Variants in CERS5 observed in about 807,000 individuals in gnomAD.
The protein encoded by CERS5 is LAG1 homolog, ceramide synthase 5.
Under a neutral mutation model 58.9 loss-of-function variants are expected in CERS5, and 37 were observed. The observed-to-expected ratio is 0.63, with a 90% CI of 0.48 to 0.83. The LOEUF is 0.83. Among genes scored for constraint, CERS5 ranks in the 40% least tolerant of loss-of-function variants. The pLI is 0.00. For synonymous variants in CERS5, 147 were observed against 177.8 expected (o/e 0.83, Z 1.38); for missense variants, 398 against 489.3 (o/e 0.81, Z 1.76).
intron 4 of CERS5, among the ~76,000 whole-genome samples, chr12:50,141,241 G>A (rs191186641): frequency 1.1e-3 from 169 of 152,018 alleles, no homozygotes; most frequent in Non-Finnish European, 1.9e-3. Context: ...TTGTAGAGAC[G>A]GGGTTTCACC....
At position 50,153,311 on chromosome 12, in the gene CERS5, C is replaced by T. The variant is rs1231535066; in HGVS notation, c.198-9254G>A. On this transcript the variant is annotated intron_variant, in intron 1 of 9. Transcript: ENST00000317551. ...TTTTTTTTTTTCTGAGACGGAGTCT[C>T]ACTCTGTTGCCAGGCTGGAGTCCCG... is the stretch of plus-strand genomic sequence containing the variant. 2.5e-4 allele frequency among the ~76,000 whole-genome samples: 28 copies of T among 113,658 alleles called. No homozygotes were observed. In the Admixed American group the frequency reaches 2.7e-3, roughly 11 times the overall value. 74.6% of individuals were successfully genotyped at this position (113,658 alleles called of 152,430 possible). A position where few individuals can be genotyped will look rare whatever the true frequency, so the allele number is the denominator to read the frequency against.
chr12:50,156,925 C>A (rs1232290931), intron 1 of CERS5, among the ~76,000 whole-genome samples: 3 of 152,158 alleles, frequency 2.0e-5, no homozygotes, highest in African/African-American at 4.8e-5. Flanking sequence ...TGAGTATCAA[C>A]TTAATTGGAT....
At chr12:50,136,943 T>G (rs1951726071) in intron 6 of CERS5, among the ~76,000 whole-genome samples, 1 of 152,228 alleles carries the variant, frequency 6.6e-6, no homozygotes, top group South Asian at 2.1e-4. Flanking sequence ...TTTAATAAAG[T>G]GACCTGTGTC....
intron 1 of CERS5, among the ~76,000 whole-genome samples, chr12:50,155,320 TAAA>T (rs1189936680): frequency 6.6e-6 from 1 of 152,078 alleles, no homozygotes; most frequent in Non-Finnish European, 1.5e-5. Context: ...AGTAAATTCT[TAAA>T]AGAAGAGGAT....
In CERS5 at chr12:50,142,093, T is replaced by C; in HGVS notation, c.452A>G (p.Tyr151Cys). The C allele has an allele frequency of 6.2e-7, 1 of 1,605,436 alleles. No homozygotes were observed. Among genetic ancestry groups the C allele is most frequent in the Non-Finnish European group, 8.5e-7 (1 of 1,173,282 alleles). The change falls in exon 4 of 10, where the codon TAT (tyrosine) becomes TGT (cysteine). Residue 151 changes from tyrosine to cysteine, a missense_variant. Physicochemically the swap from Tyr to Cys is radical, Grantham distance 194 (BLOSUM62 -2). This residue lies in a region of CERS5 where 328 missense variants were observed against 384.5 expected (regional missense o/e 0.85). Transcript: ENST00000317551. ...FCESMWRFTF[Y>C]LCIFCYGIRF... ...AATTCCATAGCAGAATATACATAAA[T>C]AAAATGTGAATCTCCACCTGGGTGG... is the stretch of plus-strand genomic sequence containing the variant.
At position 50,148,646 on chromosome 12, in the gene CERS5, C is replaced by T. The variant is rs115914426; in HGVS notation, c.198-4589G>A. ...GCGTGGTGACTCAGACTTGTAATAC[C>T]GGCACTTTGGGAGGTTGAGGCAGGC... On this transcript the variant is annotated intron_variant, in intron 1 of 9. Coordinates refer to ENST00000317551, the MANE Select transcript of CERS5 (RefSeq NM_147190.5). The T allele has an allele frequency of 7.7e-3, 1,866 of 242,632 alleles. 37 individuals carry two copies. The highest frequency in any genetic ancestry group is 0.036 in the African/African-American group (1,571 of 43,050). 15.0% of individuals were successfully genotyped at this position (242,632 alleles called of 1,614,324 possible). A position where few individuals can be genotyped will look rare whatever the true frequency, so the allele number is the denominator to read the frequency against.
chr12:50,148,968 G>T (rs948328693), intron 1 of CERS5, among the ~76,000 whole-genome samples: 10 of 140,288 alleles, frequency 7.1e-5, no homozygotes, highest in Admixed American at 1.4e-4. Flanking sequence ...GTGTGTGTGT[G>T]TGCGTGTAGA....
chr12:50,132,966 AAG>A, intron 9 of CERS5: 1 of 1,289,054 alleles, frequency 7.8e-7, no homozygotes, highest in South Asian at 1.2e-5. Context: ...ACTTACATGC[AAG>A]AGATGAAACT....
chr12:50,132,987 C>T, intron 9 of CERS5: 1 of 1,289,064 alleles, frequency 7.8e-7, no homozygotes, highest in African/African-American at 1.5e-5. Context: ...CTGTCCAGCT[C>T]CCGCCAGGCA....
chr12:50,143,499 AT>A, intron 2 of CERS5: 1 of 313,126 alleles, frequency 3.2e-6, no homozygotes, highest in East Asian at 6.7e-5. Flanking sequence ...TAATCCTGGG[AT>A]TTTTGAAGGC....
At position 50,140,954 on chromosome 12, in the gene CERS5, G is replaced by A. The variant is rs562455752; in HGVS notation, c.492+1099C>T. ...CTTCCTTTAGTTCTGCCAGCTTTTT[G>A]TCTATAATATTTTGAAAACACAATG... On this transcript the variant is annotated intron_variant, in intron 4 of 9. Coordinates refer to ENST00000317551, the MANE Select transcript of CERS5 (RefSeq NM_147190.5). Among the ~76,000 whole-genome samples, 8 of 148,304 alleles carry A rather than the reference G, an allele frequency of 5.4e-5. No individual in the cohort carries two copies. In the South Asian group the frequency reaches 1.5e-3, roughly 28 times the overall value.
In CERS5 at chr12:50,144,004, T is replaced by G. The variant is rs750493869; in HGVS notation, c.251A>C (p.Tyr84Ser). ...LCIGIEDSGPYQAQPNAILEK... is the reference protein window; with the variant it reads ...LCIGIEDSGPSQAQPNAILEK... ...AAGGATGGCATTGGGTTGGGCCTGA[T>G]AAGGACCACTGTCCTCGATGCCAAT... Residue 84 changes from tyrosine (Y) to serine (S), a missense_variant, in exon 2 of 10, where the codon TAT becomes TCT. This residue lies in a region of CERS5 where 328 missense variants were observed against 384.5 expected (regional missense o/e 0.85). Transcript: ENST00000317551. 4.3e-6 allele frequency: 7 copies of G among 1,613,446 alleles called. No homozygotes were observed. The South Asian group carries it at 7.7e-5, about 18-fold the overall frequency.
intron 1 of CERS5, among the ~76,000 whole-genome samples, chr12:50,160,411 G>A (rs774359491): frequency 4.0e-5 from 6 of 151,864 alleles, no homozygotes; most frequent in Non-Finnish European, 7.4e-5. Context: ...ACAGGCCAGC[G>A]AATGAGTCTG....
rs539834375 is a variant in CERS5 at position 50,164,383 on chromosome 12, T to C, written c.197+2718A>G. ...CAAAGAGGTCGAGGCTGGAGTGAGCTTCGTGCCACTGCAGTCCAGCCTGGG... is the reference window on the plus strand; with the variant it reads ...CAAAGAGGTCGAGGCTGGAGTGAGCCTCGTGCCACTGCAGTCCAGCCTGGG... On this transcript the variant is annotated intron_variant, in intron 1 of 9. Coordinates refer to ENST00000317551, the MANE Select transcript of CERS5 (RefSeq NM_147190.5). 8.5e-5 allele frequency among the ~76,000 whole-genome samples: 13 copies of C among 152,080 alleles called. No homozygotes were observed. In the South Asian group the frequency reaches 2.7e-3, roughly 32 times the overall value.
At chr12:50,151,139 C>A (rs1436472507) in intron 1 of CERS5, among the ~76,000 whole-genome samples, 1 of 152,094 alleles carries the variant, frequency 6.6e-6, no homozygotes. Flanking sequence ...CTCTGGCCTT[C>A]CCCAAACTCA....
chr12:50,134,504 A>G (rs933367675), intron 9 of CERS5, 42 bp downstream of exon 9: 5 of 1,613,902 alleles, frequency 3.1e-6, no homozygotes, highest in Non-Finnish European at 4.2e-6. Context: ...AGTAATCCCT[A>G]TCTTCCATAC....
intron 1 of CERS5, among the ~76,000 whole-genome samples, chr12:50,160,237 G>A (rs1330918400): frequency 3.3e-5 from 5 of 151,048 alleles, no homozygotes; most frequent in Middle Eastern, 3.4e-3. Flanking sequence ...CCCAGGAGGC[G>A]GAGGTTGCAG....
intron 8 of CERS5, 59 bp downstream of exon 8, chr12:50,135,673 T>G: frequency 8.1e-7 from 1 of 1,234,542 alleles, no homozygotes; most frequent in Non-Finnish European, 1.2e-6. Context: ...AAAATGAGAA[T>G]TGGCAAAAAG....
chr12:50,144,803 G>A (rs951483586), intron 1 of CERS5: 17 of 1,527,150 alleles, frequency 1.1e-5, no homozygotes, highest in Non-Finnish European at 1.5e-5. Context: ...TAAAAGAAGA[G>A]GTTATATCAA....
Sources: gnomAD v4.1 joint callset for allele counts (sites outside exome capture counted in the v4.1 genomes callset) on GRCh38, gnomAD v4.1.1 for gene constraint, gnomAD v4.1.1 regional missense constraint, MANE v1.5 for transcripts, NCBI Gene and HGNC (gene_info 2026-07-23, HGNC 2026-07-21) for gene names.